The following ST8SIA1 variants were observed in gnomAD, a reference collection of about 807,000 sequenced individuals.
ST8SIA1 encodes the protein alpha-N-acetylneuraminide alpha-2,8-sialyltransferase.
ST8SIA1 carries 16 observed loss-of-function variants against 35.9 expected under a neutral mutation model. That is an observed-to-expected ratio of 0.45 (90% CI 0.30 to 0.68). The LOEUF (loss-of-function observed/expected upper bound fraction) is 0.68. Among genes scored for constraint, ST8SIA1 ranks in the 30% least tolerant of loss-of-function variants. The pLI is 0.09. For synonymous variants in ST8SIA1, 170 were observed against 169.6 expected (o/e 1.00, Z -0.02); for missense variants, 383 against 453.6 (o/e 0.84, Z 1.41).
At chr12:22,287,010 G>A (rs912355235) in intron 2 of ST8SIA1, 139 bp downstream of exon 2, 1 of 741,384 alleles carries the variant, frequency 1.3e-6, no homozygotes, top group South Asian at 2.3e-5. Flanking sequence ...ACAGATGACA[G>A]ATATAAAGAA....
At chr12:22,241,492 G>A (rs1395056712) in intron 4 of ST8SIA1, among the ~76,000 whole-genome samples, 1 of 152,032 alleles carries the variant, frequency 6.6e-6, no homozygotes, top group Non-Finnish European at 1.5e-5. Flanking sequence ...AGTATACAGA[G>A]GCCTCCCCAG....
intron 4 of ST8SIA1, chr12:22,223,454 TTC>T (rs1462922849): frequency 1.0e-6 from 1 of 955,992 alleles, no homozygotes; most frequent in East Asian, 1.2e-4. Flanking sequence ...AGAACTGCCT[TTC>T]TCAGACTTCT....
chr12:22,225,877 A>G (rs558757452), intron 4 of ST8SIA1, among the ~76,000 whole-genome samples: 15 of 152,234 alleles, frequency 9.9e-5, no homozygotes, highest in African/African-American at 3.6e-4. Flanking sequence ...CTCCACATTA[A>G]CATCACAATG....
At chr12:22,328,336 T>C (rs1866707718) in intron 1 of ST8SIA1, among the ~76,000 whole-genome samples, 1 of 152,144 alleles carries the variant, frequency 6.6e-6, no homozygotes, top group Non-Finnish European at 1.5e-5. Flanking sequence ...CAAAATTTAG[T>C]GTGCCAGGGA....
chr12:22,281,819 C>CAAAA (rs11423875), intron 2 of ST8SIA1, among the ~76,000 whole-genome samples: 5,782 of 102,760 alleles, frequency 0.056, 205 homozygotes, highest in East Asian at 0.16. Context: ...CTTGTCTCTA[C>CAAAA]AAAAAAAAAA....
At chr12:22,292,582 A>G (rs1358794322) in intron 1 of ST8SIA1, among the ~76,000 whole-genome samples, 2 of 152,162 alleles carry the variant, frequency 1.3e-5, no homozygotes, top group Non-Finnish European at 2.9e-5. Context: ...AAAAAGGAGG[A>G]AATCATGTCC....
At chr12:22,259,797 G>A (rs1865768228) in intron 2 of ST8SIA1, among the ~76,000 whole-genome samples, 2 of 152,046 alleles carry the variant, frequency 1.3e-5, no homozygotes, top group Non-Finnish European at 2.9e-5. Flanking sequence ...AAGTAATTGA[G>A]ATAATACTCT....
rs1865889188 is a variant in ST8SIA1 at position 22,269,687 on chromosome 12, A to T, written c.382-14298T>A. Among the ~76,000 whole-genome samples, 2 of 152,332 alleles carry T rather than the reference A, an allele frequency of 1.3e-5. 1 individual carries two copies. Among genetic ancestry groups the T allele is most frequent in the South Asian group, 4.1e-4 (2 of 4,824 alleles). ...GCTAAGAAGGTAGCTGAGAAACGGGAGTATCAGCCCACTGTATTCTCTTCT... is the reference window on the plus strand; with the variant it reads ...GCTAAGAAGGTAGCTGAGAAACGGGTGTATCAGCCCACTGTATTCTCTTCT... On this transcript the variant is annotated intron_variant, in intron 2 of 4. Transcript: ENST00000396037.
intron 1 of ST8SIA1, chr12:22,324,520 T>C (rs1478478447): frequency 6.6e-6 from 1 of 152,196 alleles, no homozygotes; most frequent in Non-Finnish European, 1.5e-5. Context: ...AGACTGCATA[T>C]ACTATTACTA....
intron 2 of ST8SIA1, among the ~76,000 whole-genome samples, chr12:22,271,537 C>T (rs1390360579): frequency 6.6e-6 from 1 of 152,148 alleles, no homozygotes; most frequent in East Asian, 1.9e-4. Context: ...GCCTCAGCTT[C>T]CTCATCTATA....
intron 1 of ST8SIA1, among the ~76,000 whole-genome samples, chr12:22,312,723 A>T (rs963502915): frequency 1.6e-4 from 24 of 151,766 alleles, no homozygotes; most frequent in African/African-American, 5.8e-4. Flanking sequence ...GAAAAAAAAA[A>T]AAAAACAATA....
chr12:22,238,594 T>G (rs1299316317), intron 4 of ST8SIA1, among the ~76,000 whole-genome samples: 1 of 152,162 alleles, frequency 6.6e-6, no homozygotes. Flanking sequence ...ATACTAAAAT[T>G]ATTGCTGTTG....
rs150126604 is a variant in ST8SIA1 at position 22,315,888 on chromosome 12, T to C, written c.236+18109A>G. ...GATAATGCCTGAGGGGCTTAAAACT[T>C]AGATGATGGGTTGATAGGTACAGCA... On this transcript the variant is annotated intron_variant, in intron 1 of 4. Coordinates refer to ENST00000396037, the MANE Select transcript of ST8SIA1 (RefSeq NM_003034.4). Among the ~76,000 whole-genome samples the C allele has an allele frequency of 5.3e-5, 8 of 152,124 alleles. No homozygotes were observed. In the East Asian group the frequency reaches 1.4e-3, roughly 26 times the overall value.
chr12:22,248,406 C>G (rs534653690), intron 4 of ST8SIA1, among the ~76,000 whole-genome samples: 4 of 152,062 alleles, frequency 2.6e-5, no homozygotes, highest in Admixed American at 1.3e-4. Flanking sequence ...CCCCCTCCCC[C>G]ACCCCCGCAG....
At chr12:22,295,491 A>C (rs1254033256) in intron 1 of ST8SIA1, among the ~76,000 whole-genome samples, 2 of 152,156 alleles carry the variant, frequency 1.3e-5, no homozygotes, top group Admixed American at 1.3e-4. Context: ...CCAGCACTTT[A>C]GGAAGCCAAG....
chr12:22,260,858 G>T (rs1188831416), intron 2 of ST8SIA1, among the ~76,000 whole-genome samples: 1 of 147,080 alleles, frequency 6.8e-6, no homozygotes, highest in Non-Finnish European at 1.5e-5. Flanking sequence ...CAATTTCAAA[G>T]ATTTATATAG....
intron 4 of ST8SIA1, among the ~76,000 whole-genome samples, chr12:22,220,502 T>C (rs992957701): frequency 2.6e-5 from 4 of 152,186 alleles, no homozygotes; most frequent in Non-Finnish European, 5.9e-5. Flanking sequence ...ACACCCCTAA[T>C]AGCAGAATTG....
chr12:22,216,593 T>G (rs1364756228), intron 4 of ST8SIA1, among the ~76,000 whole-genome samples: 2 of 151,814 alleles, frequency 1.3e-5, no homozygotes, highest in Non-Finnish European at 3.0e-5. Flanking sequence ...CTTATCACTT[T>G]ATTTTTATCA....
intron 4 of ST8SIA1, among the ~76,000 whole-genome samples, chr12:22,214,092 C>A (rs1427280306): frequency 8.6e-5 from 13 of 151,916 alleles, no homozygotes; most frequent in Admixed American, 8.5e-4. Context: ...CAGACATGAG[C>A]CAACAAGAAG....
Sources: allele counts gnomAD v4.1 joint callset (sites outside exome capture counted in the v4.1 genomes callset), GRCh38; gene constraint gnomAD v4.1.1; transcripts MANE v1.5; gene names NCBI Gene and HGNC (gene_info 2026-07-23, HGNC 2026-07-21).